RTF1: variants seen among roughly 807,000 people sequenced by gnomAD.
RTF1 encodes RTF1 homolog, Paf1/RNA polymerase II complex component.
A neutral mutation model predicts 95.7 loss-of-function variants in RTF1; 10 were observed. That is an observed-to-expected ratio of 0.10 (90% CI 0.06 to 0.18). The LOEUF (loss-of-function observed/expected upper bound fraction) is 0.18. Ranked by LOEUF, RTF1 falls within the 10% of genes least tolerant of loss-of-function variation. The pLI, the probability that RTF1 is intolerant of heterozygous loss-of-function variation, is 1.00. For synonymous variants in RTF1, 305 were observed against 311.8 expected, an observed-to-expected ratio of 0.98 and a Z score of 0.23; for missense variants, 458 against 875.6, an observed-to-expected ratio of 0.52 and a Z score of 6.02.
chr15:41,476,377 G>A, intron 11 of RTF1, 69 bp from the exon 12 acceptor site: 2 of 1,280,518 alleles, frequency 1.6e-6, no homozygotes, highest in South Asian at 1.2e-5. Context: ...ATCCAAAATG[G>A]GCTCACTTAG....
intron 2 of RTF1, among the ~76,000 whole-genome samples, chr15:41,446,366 C>G (rs1399777671): frequency 1.3e-5 from 2 of 151,836 alleles, no homozygotes; most frequent in Non-Finnish European, 1.5e-5. Context: ...GTCAGGAGAT[C>G]GAGACCATCC....
chr15:41,447,591 C>A (rs898233558), intron 2 of RTF1, among the ~76,000 whole-genome samples: 4 of 152,162 alleles, frequency 2.6e-5, no homozygotes, highest in African/African-American at 9.7e-5. Flanking sequence ...AAGTTTTCTT[C>A]ATTGCATATT....
chr15:41,422,326 G>C (rs1283984569), intron 1 of RTF1, among the ~76,000 whole-genome samples: 1 of 152,176 alleles, frequency 6.6e-6, no homozygotes, highest in Non-Finnish European at 1.5e-5. Context: ...CCTAGTTTGA[G>C]AGTTTGAAAG....
chr15:41,478,372 GC>G (rs1487189741), intron 14 of RTF1, 175 bp from the exon 15 acceptor site: 3 of 588,114 alleles, frequency 5.1e-6, no homozygotes, highest in Non-Finnish European at 8.9e-6. Context: ...CTGCACTTCA[GC>G]CTAGGCGACA....
intron 1 of RTF1, among the ~76,000 whole-genome samples, chr15:41,428,227 TC>T (rs1018014107): frequency 2.8e-4 from 42 of 150,304 alleles, no homozygotes; most frequent in African/African-American, 9.8e-4. Flanking sequence ...GGGTTCTTGT[TC>T]CAACCCCTCT....
At position 41,475,732 on chromosome 15, in the gene RTF1, G is replaced by C. The variant is rs1331112527; in HGVS notation, c.1395G>C (p.Gln465His). 6.2e-7 allele frequency: 1 copy of C among 1,609,896 alleles called. No homozygotes were observed. Among genetic ancestry groups the C allele is most frequent in the South Asian group, 1.1e-5 (1 of 90,886 alleles). Residue 465 changes from glutamine to histidine, a missense_variant, in exon 11 of 18, where the codon CAG becomes CAC. Gln to His is a conservative substitution (Grantham distance 24). Transcript: ENST00000389629. The part of the protein sequence containing the change: ...WKEAMFSAGM[Q>H]LPTLDEINKK... Reference sequence around the variant, plus strand: ...TCCAGATGTTCTCTGCTGGCATGCAGTTGCCCACTCTAGATGAAATCAATA... The same window carrying C: ...TCCAGATGTTCTCTGCTGGCATGCACTTGCCCACTCTAGATGAAATCAATA...
At chr15:41,442,398 A>G (rs977983937) in intron 2 of RTF1, among the ~76,000 whole-genome samples, 2 of 151,794 alleles carry the variant, frequency 1.3e-5, no homozygotes, top group African/African-American at 4.8e-5. Context: ...TGATATCCTG[A>G]CCTCATGATC....
intron 4 of RTF1, among the ~76,000 whole-genome samples, chr15:41,461,690 C>G (rs538483826): frequency 4.6e-4 from 70 of 151,116 alleles, no homozygotes; most frequent in African/African-American, 1.6e-3. Flanking sequence ...GGGGTTTCAC[C>G]GTGTTAGCCA....
chr15:41,424,976 G>T (rs1418085355), intron 1 of RTF1, among the ~76,000 whole-genome samples: 1 of 151,804 alleles, frequency 6.6e-6, no homozygotes, highest in African/African-American at 2.4e-5. Context: ...CACTGTATTA[G>T]CCTGGGTGAC....
intron 8 of RTF1, among the ~76,000 whole-genome samples, chr15:41,473,599 G>T (rs897962231): frequency 1.3e-5 from 2 of 152,056 alleles, no homozygotes; most frequent in Non-Finnish European, 2.9e-5. Context: ...ATCTCGCCCT[G>T]TTGCCCAGGC....
At chr15:41,424,218 C>T (rs960899272) in intron 1 of RTF1, among the ~76,000 whole-genome samples, 2 of 152,134 alleles carry the variant, frequency 1.3e-5, no homozygotes, top group Non-Finnish European at 2.9e-5. Context: ...AATTGCACTA[C>T]AGGCCATGAA....
intron 1 of RTF1, among the ~76,000 whole-genome samples, chr15:41,418,066 A>G (rs945801053): frequency 6.6e-6 from 1 of 152,178 alleles, no homozygotes; most frequent in African/African-American, 2.4e-5. Flanking sequence ...ATTCTTTCTT[A>G]CTTGAAGACT....
intron 3 of RTF1, 87 bp downstream of exon 3, chr15:41,453,135 T>G: frequency 8.7e-7 from 1 of 1,153,422 alleles, no homozygotes. Flanking sequence ...GGAAGGGGGG[T>G]ACTTGCATTC....
At chr15:41,473,669 C>T (rs1310820105) in intron 8 of RTF1, among the ~76,000 whole-genome samples, 1 of 152,122 alleles carries the variant, frequency 6.6e-6, no homozygotes, top group African/African-American at 2.4e-5. Flanking sequence ...CTCAAACGAT[C>T]CTCCTACAAC....
At chr15:41,432,951 AAAAC>A (rs893846503) in intron 1 of RTF1, among the ~76,000 whole-genome samples, 3 of 150,786 alleles carry the variant, frequency 2.0e-5, no homozygotes, top group Non-Finnish European at 4.4e-5. Context: ...AAAAAAAAGA[AAAAC>A]AAACAGGCAT....
chr15:41,435,287 CAT>C (rs1198027660), intron 1 of RTF1, among the ~76,000 whole-genome samples: 1 of 151,800 alleles, frequency 6.6e-6, no homozygotes, highest in Non-Finnish European at 1.5e-5. Context: ...TTGTCAAACT[CAT>C]AGAACTATAT....
intron 2 of RTF1, among the ~76,000 whole-genome samples, chr15:41,450,708 G>A (rs768343423): frequency 1.2e-4 from 18 of 152,176 alleles, no homozygotes; most frequent in Non-Finnish European, 2.5e-4. Context: ...CCAGCACTTT[G>A]GGAGGCCAAG....
rs577914795 is a variant in RTF1, at chr15:41,466,124, T to C, written c.778-17T>C. The stretch of plus-strand genomic sequence containing the variant: ...TGTTGGTAAAAAGGGCCATTCTATA[T>C]ATCCTTCCCTTCCTAGGTAACATCC... On this transcript the variant is annotated splice_polypyrimidine_tract_variant and intron_variant, in intron 5 of 17. Transcript: ENST00000389629. The C allele has an allele frequency of 7.3e-6, 11 of 1,516,072 alleles. No individual in the cohort carries two copies. In the Admixed American group the frequency reaches 9.5e-5, roughly 13 times the overall value. The allele number at this position is 1,516,072 out of a possible 1,614,324, so 93.9% of individuals were successfully genotyped here.
intron 11 of RTF1, 43 bp downstream of exon 11, chr15:41,475,862 C>A: frequency 2.0e-6 from 2 of 987,456 alleles, no homozygotes; most frequent in Non-Finnish European, 3.1e-6. Flanking sequence ...TCATCAAGAA[C>A]CAGTGTTGAG....
Sources: allele counts gnomAD v4.1 joint callset (sites outside exome capture counted in the v4.1 genomes callset), GRCh38; gene constraint gnomAD v4.1.1; transcripts MANE v1.5; gene names NCBI Gene and HGNC (gene_info 2026-07-23, HGNC 2026-07-21).